The following RAPGEF1 variants were observed in gnomAD, a reference collection of about 807,000 sequenced individuals.
The protein encoded by RAPGEF1 is Rap guanine nucleotide exchange factor 1, also known as CRK SH3-binding GNRP.
In RAPGEF1, 33 loss-of-function variants were observed where a neutral mutation model predicts 143.3. The observed-to-expected ratio is 0.23, with a 90% CI of 0.17 to 0.31. The LOEUF is 0.31. Among genes scored for constraint, RAPGEF1 ranks in the 10% least tolerant of loss-of-function variants. RAPGEF1 has a pLI of 1.00. For synonymous variants in RAPGEF1, 629 were observed against 676.5 expected (o/e 0.93, Z 1.09); for missense variants, 1,199 against 1,645.4 (o/e 0.73, Z 4.69).
intron 10 of RAPGEF1, among the ~76,000 whole-genome samples, chr9:131,624,463 C>A (rs1962311035): frequency 1.3e-5 from 2 of 152,148 alleles, no homozygotes; most frequent in Admixed American, 1.3e-4. Flanking sequence ...CAATGGCTAC[C>A]CCTCCCTTTC....
chr9:131,703,357 G>A (rs138984016), intron 1 of RAPGEF1, among the ~76,000 whole-genome samples: 214 of 152,168 alleles, frequency 1.4e-3, no homozygotes, highest in African/African-American at 4.8e-3. Flanking sequence ...CATTTTGTCC[G>A]TTTGTTCCAA....
intron 1 of RAPGEF1, among the ~76,000 whole-genome samples, chr9:131,715,790 G>T (rs1475881949): frequency 1.3e-5 from 2 of 151,412 alleles, no homozygotes; most frequent in African/African-American, 4.9e-5. Context: ...ACTTGAACCC[G>T]GGAGGTGGAG....
rs535782168 is a variant in RAPGEF1 at position 131,588,774 on chromosome 9, G to A, written c.3053+27C>T. ...GAAAGGCACGGCTCCTGGGGAAGAGGCAGGGCTGGAGAGGTGGGCTTCTCA... is the reference window on the plus strand; with the variant it reads ...GAAAGGCACGGCTCCTGGGGAAGAGACAGGGCTGGAGAGGTGGGCTTCTCA... On this transcript the variant is annotated intron_variant, in intron 20 of 26. Transcript: ENST00000683357. 1.7e-5 allele frequency: 27 copies of A among 1,591,242 alleles called. No individual in the cohort carries two copies. In the Admixed American group the frequency reaches 2.6e-4, roughly 16 times the overall value.
At chr9:131,723,352 G>A (rs1836409460) in intron 1 of RAPGEF1, among the ~76,000 whole-genome samples, 1 of 152,016 alleles carries the variant, frequency 6.6e-6, no homozygotes, top group African/African-American at 2.4e-5. Context: ...GTGGTAATAA[G>A]TAACATTCAT....
chr9:131,701,193 T>G (rs1233156150), intron 1 of RAPGEF1, among the ~76,000 whole-genome samples: 1 of 152,148 alleles, frequency 6.6e-6, no homozygotes, highest in Admixed American at 6.5e-5. Flanking sequence ...GGGAAAGAAA[T>G]AGCCAAACAC....
intron 1 of RAPGEF1, among the ~76,000 whole-genome samples, chr9:131,674,223 A>C (rs551712129): frequency 1.3e-5 from 2 of 152,262 alleles, no homozygotes; most frequent in East Asian, 1.9e-4. Context: ...TTTTTCATCA[A>C]AACAAAAATA....
chr9:131,665,553 G>T (rs376748584), intron 1 of RAPGEF1, among the ~76,000 whole-genome samples: 2 of 151,916 alleles, frequency 1.3e-5, no homozygotes, highest in African/African-American at 4.8e-5. Context: ...GCTAAGTCTC[G>T]CTATGTCACC....
In RAPGEF1 at chr9:131,673,551, C is replaced by A. The variant is rs144046683; in HGVS notation, c.62-22602G>T. Reference sequence around the variant, plus strand: ...ACTTAGAATTTTCTAAACAGGTAAACCAATTGGAACCAACTGTAAATCAAC... The same window carrying A: ...ACTTAGAATTTTCTAAACAGGTAAAACAATTGGAACCAACTGTAAATCAAC... On this transcript the variant is annotated intron_variant, in intron 1 of 26. Transcript: ENST00000683357. 2.3e-3 allele frequency among the ~76,000 whole-genome samples: 353 copies of A among 152,298 alleles called. 1 individual carries two copies. The highest frequency in any genetic ancestry group is 6.8e-3 in the Middle Eastern group (2 of 294).
intron 1 of RAPGEF1, among the ~76,000 whole-genome samples, chr9:131,684,429 G>A (rs1300385301): frequency 6.6e-6 from 1 of 152,072 alleles, no homozygotes; most frequent in African/African-American, 2.4e-5. Flanking sequence ...TTCTCTATGT[G>A]GAATATTAAA....
At chr9:131,596,740 C>T (rs1184796129) in intron 16 of RAPGEF1, among the ~76,000 whole-genome samples, 1 of 152,160 alleles carries the variant, frequency 6.6e-6, no homozygotes, top group African/African-American at 2.4e-5. Flanking sequence ...AGGTAGGACC[C>T]CCTGGGGGCA....
At position 131,650,354 on chromosome 9, in the gene RAPGEF1, C is replaced by A. The variant is rs1970767979; in HGVS notation, c.202-112G>T. On this transcript the variant is annotated intron_variant, in intron 2 of 26. Transcript: ENST00000683357. This position sits in a 1 kb window ranked among gnomAD's most constrained non-coding sequence, Gnocchi z 4.7. ...TTCAACATATCTGGCTTGACTGGCC[C>A]TGCTGAGGCCACTAACTCTTGAGGA... The A allele has an allele frequency of 1.4e-6, 1 of 740,418 alleles. No homozygotes were observed. The highest frequency in any genetic ancestry group is 2.2e-6 in the Non-Finnish European group (1 of 452,976). 45.9% of individuals were successfully genotyped at this position (740,418 alleles called of 1,614,324 possible).
chr9:131,579,696 T>G, intron 26 of RAPGEF1, 49 bp from the exon 27 acceptor site: 1 of 1,587,516 alleles, frequency 6.3e-7, no homozygotes, highest in South Asian at 1.1e-5. Context: ...GTGGGCTGGA[T>G]GGCCCGATGG....
intron 1 of RAPGEF1, among the ~76,000 whole-genome samples, chr9:131,739,557 T>C (rs1190493234): frequency 1.3e-5 from 2 of 149,550 alleles, no homozygotes; most frequent in African/African-American, 4.9e-5. Context: ...GCCCGGCCCC[T>C]GGCGCCCCCG....
intron 3 of RAPGEF1, among the ~76,000 whole-genome samples, chr9:131,649,433 GA>G (rs1256508938): frequency 3.9e-5 from 6 of 152,176 alleles, no homozygotes; most frequent in African/African-American, 1.4e-4. Context: ...TCATAAAGAG[GA>G]AACGTAGCAT....
chr9:131,604,277 G>C (rs1453869808), intron 13 of RAPGEF1, among the ~76,000 whole-genome samples: 2 of 152,220 alleles, frequency 1.3e-5, no homozygotes, highest in South Asian at 2.1e-4. Flanking sequence ...TGGCCCCACT[G>C]TAGTGGAGAC....
intron 1 of RAPGEF1, among the ~76,000 whole-genome samples, chr9:131,706,708 A>G (rs1468953420): frequency 6.6e-6 from 1 of 152,218 alleles, no homozygotes; most frequent in African/African-American, 2.4e-5. Flanking sequence ...CTTCAGCAGG[A>G]CACCATGCGC....
intron 1 of RAPGEF1, among the ~76,000 whole-genome samples, chr9:131,677,218 T>C (rs149449147): frequency 6.6e-6 from 1 of 152,378 alleles, no homozygotes; most frequent in Non-Finnish European, 1.5e-5. Context: ...GGTTGTTCAC[T>C]GAGTAAGCAG....
intron 1 of RAPGEF1, chr9:131,709,550 G>A (rs1295997883): frequency 6.8e-7 from 1 of 1,460,894 alleles, no homozygotes; most frequent in Non-Finnish European, 9.6e-7. Context: ...CAGCTCTGCT[G>A]CTGGGCCAGT....
intron 10 of RAPGEF1, among the ~76,000 whole-genome samples, chr9:131,622,533 G>A (rs1401945074): frequency 6.6e-6 from 1 of 152,208 alleles, no homozygotes; most frequent in Non-Finnish European, 1.5e-5. Context: ...TCTTCCCTGA[G>A]CCACACTGGG....
Sources: gnomAD v4.1 joint callset for allele counts (sites outside exome capture counted in the v4.1 genomes callset) on GRCh38, gnomAD v4.1.1 for gene constraint, Gnocchi (gnomAD v3.1) non-coding constraint, MANE v1.5 for transcripts, NCBI Gene and HGNC (gene_info 2026-07-23, HGNC 2026-07-21) for gene names.